Variants in SENP7 observed in about 807,000 individuals in gnomAD.
SENP7 encodes sentrin-specific protease 7.
In SENP7, 64 loss-of-function variants were observed where a neutral mutation model predicts 141.2. The observed-to-expected ratio is 0.45, with a 90% CI of 0.37 to 0.56. The LOEUF (loss-of-function observed/expected upper bound fraction) is 0.56, where lower values mean the gene tolerates loss of function less well. SENP7 is among the 20% of genes least tolerant of loss of function. The probability of loss-of-function intolerance (pLI) is 0.00; values close to 1 mark genes in which losing one functional copy is unlikely to be tolerated. For missense variants in SENP7, 1,025 were observed against 1,212.2 expected, an observed-to-expected ratio of 0.85 and a Z score of 2.29; for synonymous variants, 382 against 426.4, an observed-to-expected ratio of 0.90 and a Z score of 1.28.
intron 4 of SENP7, among the ~76,000 whole-genome samples, chr3:101,448,721 T>C (rs996883224): frequency 6.6e-6 from 1 of 152,014 alleles, no homozygotes; most frequent in Non-Finnish European, 1.5e-5. Flanking sequence ...CAAAACCCCA[T>C]CTGTACGTCA....
intron 6 of SENP7, among the ~76,000 whole-genome samples, chr3:101,395,872 A>T (rs1008894659): frequency 6.6e-6 from 1 of 152,200 alleles, no homozygotes; most frequent in African/African-American, 2.4e-5. Flanking sequence ...TGATATCAGC[A>T]CCAATAAGAG....
intron 1 of SENP7, among the ~76,000 whole-genome samples, chr3:101,508,047 CAAA>C (rs61638290): frequency 7.5e-4 from 68 of 90,112 alleles, no homozygotes; most frequent in Admixed American, 1.6e-3. Context: ...GACTCCATCT[CAAA>C]AAAAAAAAAA....
In SENP7 at chr3:101,426,284, G is replaced by GA. The variant is rs577967763; in HGVS notation, c.285-8495dup. ...CAGATTCTCCAAGGTCAAAATCAAA[G>GA]AAAAAATGTTACAGGCAGCTAAAAA... On this transcript the variant is annotated intron_variant, in intron 4 of 23. Transcript: ENST00000394095. 2.0e-3 allele frequency among the ~76,000 whole-genome samples: 307 copies of GA among 151,976 alleles called. 2 individuals carry two copies. The highest frequency in any genetic ancestry group is 7.0e-3 in the African/African-American group (290 of 41,454).
chr3:101,398,368 G>A (rs2061032300), intron 6 of SENP7, among the ~76,000 whole-genome samples: 2 of 152,196 alleles, frequency 1.3e-5, no homozygotes, highest in Non-Finnish European at 2.9e-5. Flanking sequence ...GCTGAGGTAG[G>A]AGAATCGCTT....
intron 4 of SENP7, among the ~76,000 whole-genome samples, chr3:101,443,240 G>A (rs1365914727): frequency 6.6e-6 from 1 of 152,152 alleles, no homozygotes; most frequent in Non-Finnish European, 1.5e-5. Context: ...TGTTAGGTTT[G>A]TCAAAGATCA....
At chr3:101,356,377 GAATAA>G (rs1371340210) in intron 11 of SENP7, among the ~76,000 whole-genome samples, 15 of 152,028 alleles carry the variant, frequency 9.9e-5, no homozygotes, top group African/African-American at 2.7e-4. Flanking sequence ...AATACAATAG[GAATAA>G]AATAACAGCA....
Position 101,482,906 on chromosome 3 carries a change from C to T in SENP7, c.186+10967G>A, listed in dbSNP as rs1256262667. ...AAAACCACAAGGAGATACCATCTCA[C>T]ACCAGTCAGAATGGCTATTACTAAA... On this transcript the variant is annotated intron_variant, in intron 3 of 23. Coordinates refer to ENST00000394095, the MANE Select transcript of SENP7 (RefSeq NM_020654.5). Among the ~76,000 whole-genome samples, 5 of 152,074 alleles carry T rather than the reference C, an allele frequency of 3.3e-5. No homozygotes were observed. The East Asian group carries it at 9.6e-4, about 29-fold the overall frequency.
chr3:101,394,727 T>TATTTTA (rs2060918912), intron 6 of SENP7, among the ~76,000 whole-genome samples: 2 of 152,132 alleles, frequency 1.3e-5, no homozygotes, highest in African/African-American at 4.8e-5. Context: ...ATCTCCATAC[T>TATTTTA]GCTTTCCATA....
chr3:101,427,751 G>A (rs1405465487), intron 4 of SENP7, among the ~76,000 whole-genome samples: 3 of 151,620 alleles, frequency 2.0e-5, no homozygotes, highest in Non-Finnish European at 4.4e-5. Flanking sequence ...CAACATGCAG[G>A]TCTGTTACAT....
At chr3:101,412,390 ATTCACAGATTAGTTTCTAAATTTGTTCT>A (rs1354767136) in intron 5 of SENP7, among the ~76,000 whole-genome samples, 2 of 152,074 alleles carry the variant, frequency 1.3e-5, no homozygotes, top group Non-Finnish European at 2.9e-5. Flanking sequence ...TATTAAAGAG[ATTCACAGATTAGTTTCTAAATTTGTTCT>A]TTTATTAAGC....
intron 3 of SENP7, among the ~76,000 whole-genome samples, chr3:101,471,141 G>GA (rs1313743010): frequency 1.3e-5 from 2 of 152,190 alleles, no homozygotes; most frequent in African/African-American, 4.8e-5. Flanking sequence ...CACAGAATTG[G>GA]AAAAAACTAC....
Position 101,461,398 on chromosome 3 carries a change from A to C in SENP7, c.187-2346T>G, listed in dbSNP as rs1339985052. On this transcript the variant is annotated intron_variant, in intron 3 of 23. Transcript: ENST00000394095. ...AAATACCCCTAAAATTTATATGGAAACACAAAAAAATGCAAGTCAAAACCA... is the reference window on the plus strand; with the variant it reads ...AAATACCCCTAAAATTTATATGGAACCACAAAAAAATGCAAGTCAAAACCA... Among the ~76,000 whole-genome samples, 7 of 152,192 alleles carry C rather than the reference A, an allele frequency of 4.6e-5. 1 individual carries two copies. Among genetic ancestry groups the C allele is most frequent in the South Asian group, 4.1e-4 (2 of 4,836 alleles).
chr3:101,490,684 A>G (rs2108090573), intron 3 of SENP7, among the ~76,000 whole-genome samples: 1 of 152,324 alleles, frequency 6.6e-6, no homozygotes, highest in South Asian at 2.1e-4. Context: ...GTTTAATGTA[A>G]CTATATGTCA....
intron 4 of SENP7, among the ~76,000 whole-genome samples, chr3:101,458,161 A>G (rs2063420142): frequency 6.6e-6 from 1 of 152,144 alleles, no homozygotes; most frequent in African/African-American, 2.4e-5. Context: ...AGGCTCATAA[A>G]CTGCTATGGA....
At chr3:101,473,599 A>C (rs974521125) in intron 3 of SENP7, among the ~76,000 whole-genome samples, 1 of 151,974 alleles carries the variant, frequency 6.6e-6, no homozygotes, top group African/African-American at 2.4e-5. Context: ...TTTGCTTGTA[A>C]ATTTGTTTAA....
chr3:101,387,861 G>C (rs936039617), intron 6 of SENP7, among the ~76,000 whole-genome samples: 1 of 152,186 alleles, frequency 6.6e-6, no homozygotes, highest in Non-Finnish European at 1.5e-5. Context: ...ATTGTCAGGG[G>C]GACTAGGGAT....
chr3:101,330,622 A>G (rs1397561037), intron 19 of SENP7, among the ~76,000 whole-genome samples: 1 of 152,202 alleles, frequency 6.6e-6, no homozygotes, highest in Non-Finnish European at 1.5e-5. Flanking sequence ...TGGAAATACC[A>G]GTTAGCTAGG....
intron 5 of SENP7, 93 bp downstream of exon 5, chr3:101,417,500 T>A: frequency 9.5e-7 from 1 of 1,049,504 alleles, no homozygotes; most frequent in Non-Finnish European, 1.5e-6. Context: ...AAATCTCCTT[T>A]CAGGTCATTT....
intron 3 of SENP7, among the ~76,000 whole-genome samples, chr3:101,467,599 A>T (rs2063807773): frequency 6.6e-6 from 1 of 152,190 alleles, no homozygotes. Context: ...ACTCCAACAG[A>T]CCTGCAGCTG....
Sources: gnomAD v4.1 joint callset for allele counts (sites outside exome capture counted in the v4.1 genomes callset) on GRCh38, gnomAD v4.1.1 for gene constraint, MANE v1.5 for transcripts, NCBI Gene and HGNC (gene_info 2026-07-23, HGNC 2026-07-21) for gene names.